Variants in SESN3 observed in about 807,000 individuals in gnomAD.
The protein encoded by SESN3 is sestrin 3, also known as sestrin-3.
In SESN3, 21 loss-of-function variants were observed where a neutral mutation model predicts 55.3. That is an observed-to-expected ratio of 0.38 (90% CI 0.27 to 0.55). The LOEUF is 0.55. Ranked by LOEUF, SESN3 falls within the 20% of genes least tolerant of loss-of-function variation. The pLI, the probability that SESN3 is intolerant of heterozygous loss-of-function variation, is 0.76. For missense variants in SESN3, 408 were observed against 604.3 expected, an observed-to-expected ratio of 0.68 and a Z score of 3.41; for synonymous variants, 181 against 203.1, an observed-to-expected ratio of 0.89 and a Z score of 0.93.
Position 95,216,285 on chromosome 11 carries a change from G to GT in SESN3, c.78+14497dup, listed in dbSNP as rs199982425. Among the ~76,000 whole-genome samples, 955 of 152,180 alleles carry GT rather than the reference G, an allele frequency of 6.3e-3. 4 individuals carry two copies. Among genetic ancestry groups the GT allele is most frequent in the Admixed American group, 7.5e-3 (114 of 15,290 alleles). The stretch of plus-strand genomic sequence containing the variant: ...GAACAAAAAGAAATGGCCTTTTATA[G>GT]TAACAATGGACTCCTCTTTGACAGT... On this transcript the variant is annotated intron_variant, in intron 1 of 9. Coordinates refer to ENST00000536441, the MANE Select transcript of SESN3 (RefSeq NM_144665.4).
chr11:95,188,405 A>T (rs941711108), intron 4 of SESN3, among the ~76,000 whole-genome samples: 2 of 151,772 alleles, frequency 1.3e-5, no homozygotes, highest in African/African-American at 4.8e-5. Flanking sequence ...ATTTTGGAAA[A>T]TTTTCCTGTG....
intron 1 of SESN3, among the ~76,000 whole-genome samples, chr11:95,223,180 C>CCA (rs771050821): frequency 1.4e-4 from 21 of 151,532 alleles, no homozygotes; most frequent in African/African-American, 9.7e-5. Context: ...CGCAAACCCA[C>CCA]CACACACACA....
chr11:95,181,409 T>C (rs936680713), intron 6 of SESN3, among the ~76,000 whole-genome samples: 2 of 152,088 alleles, frequency 1.3e-5, no homozygotes, highest in African/African-American at 4.8e-5. Context: ...CCACAAATAC[T>C]TTTTTCCTAA....
At chr11:95,201,880 A>G (rs1408703596) in intron 1 of SESN3, among the ~76,000 whole-genome samples, 2 of 152,094 alleles carry the variant, frequency 1.3e-5, no homozygotes, top group Admixed American at 1.3e-4. Context: ...GGTAATTGGT[A>G]GTTTTAAAAT....
chr11:95,177,179 T>C (rs1859973558), intron 8 of SESN3, among the ~76,000 whole-genome samples: 1 of 152,204 alleles, frequency 6.6e-6, no homozygotes, highest in African/African-American at 2.4e-5. Flanking sequence ...TCTCATGTAC[T>C]TACTGTCCTC....
At chr11:95,209,846 G>T (rs55914231) in intron 1 of SESN3, among the ~76,000 whole-genome samples, 4,354 of 150,066 alleles carry the variant, frequency 0.029, 189 homozygotes, top group Non-Finnish European at 0.045. Flanking sequence ...GCGAAACCCC[G>T]TCTCTACTAA....
intron 1 of SESN3, among the ~76,000 whole-genome samples, chr11:95,227,077 A>C (rs1421780826): frequency 6.6e-6 from 1 of 152,240 alleles, no homozygotes; most frequent in Non-Finnish European, 1.5e-5. Flanking sequence ...CTAGTGGTCC[A>C]CAGATAGAGC....
chr11:95,213,563 G>C (rs1860698382), intron 1 of SESN3, among the ~76,000 whole-genome samples: 1 of 152,146 alleles, frequency 6.6e-6, no homozygotes, highest in Non-Finnish European at 1.5e-5. Context: ...AGGGAGGCAG[G>C]CTGCCAGTGG....
Position 95,223,589 on chromosome 11 carries a change from A to T in SESN3, c.78+7194T>A, listed in dbSNP as rs139818804. On this transcript the variant is annotated intron_variant, in intron 1 of 9. Transcript: ENST00000536441. Reference sequence around the variant, plus strand: ...CTAGTTAGCCAGTTACTGTGGTAATAGAGAAGCTTCTAGGATGTCACTGAA... The same window carrying T: ...CTAGTTAGCCAGTTACTGTGGTAATTGAGAAGCTTCTAGGATGTCACTGAA... Among the ~76,000 whole-genome samples, 91 of 152,338 alleles carry T rather than the reference A, an allele frequency of 6.0e-4. 1 individual carries two copies. The highest frequency in any genetic ancestry group is 1.8e-3 in the African/African-American group (76 of 41,566).
At chr11:95,196,061 C>T (rs1860355885) in intron 1 of SESN3, among the ~76,000 whole-genome samples, 1 of 152,074 alleles carries the variant, frequency 6.6e-6, no homozygotes, top group Admixed American at 6.6e-5. Context: ...TGGTGATAGT[C>T]CAGGAGAGAT....
At chr11:95,195,481 C>G (rs1406723006) in intron 1 of SESN3, among the ~76,000 whole-genome samples, 2 of 152,076 alleles carry the variant, frequency 1.3e-5, no homozygotes, top group Non-Finnish European at 2.9e-5. Context: ...ATGTGCTAGG[C>G]AGTGAGGACA....
At position 95,171,967 on chromosome 11, in the gene SESN3, G is replaced by A. The variant is rs1859857478; in HGVS notation, c.*1288C>T. On this transcript the variant is annotated 3_prime_UTR_variant, in exon 10 of 10. Coordinates refer to ENST00000536441, the MANE Select transcript of SESN3 (RefSeq NM_144665.4). ...AACGTTTTTAAACCAGTTGTCCAAG[G>A]AGATTTTTCTGGGGAAGGGAATGCT... 6.6e-6 allele frequency: 1 copy of A among 152,084 alleles called. No homozygotes were observed. The highest frequency in any genetic ancestry group is 2.1e-4 in the South Asian group (1 of 4,830). The allele number at this position is 152,084 out of a possible 1,614,324, so 9.4% of individuals were successfully genotyped here.
In SESN3 at chr11:95,168,071, A is replaced by G. The variant is rs1421278409; in HGVS notation, c.*5184T>C. ...CCCAATTTTGTGTTATTTTATCTAT[A>G]TTTTAAATCATATGGGCTTCTGTGA... On this transcript the variant is annotated 3_prime_UTR_variant, in exon 10 of 10. Transcript: ENST00000536441. 1 of 152,164 alleles carries G rather than the reference A, an allele frequency of 6.6e-6. No individual in the cohort carries two copies. Among genetic ancestry groups the G allele is most frequent in the Admixed American group, 6.6e-5 (1 of 15,264 alleles). 9.4% of individuals were successfully genotyped at this position (152,164 alleles called of 1,614,324 possible). A position where few individuals can be genotyped will look rare whatever the true frequency, so the allele number is the denominator to read the frequency against.
chr11:95,183,050 C>T (rs1022654996), intron 6 of SESN3, among the ~76,000 whole-genome samples: 4 of 152,136 alleles, frequency 2.6e-5, no homozygotes, highest in Non-Finnish European at 5.9e-5. Context: ...TCCTATCTTT[C>T]ACATTCTGCT....
chr11:95,210,168 G>A (rs1417471418), intron 1 of SESN3, among the ~76,000 whole-genome samples: 1 of 151,910 alleles, frequency 6.6e-6, no homozygotes, highest in African/African-American at 2.4e-5. Context: ...GGTGAACAAT[G>A]AGAACACATG....
At chr11:95,218,323 T>A (rs1860797499) in intron 1 of SESN3, among the ~76,000 whole-genome samples, 2 of 152,300 alleles carry the variant, frequency 1.3e-5, no homozygotes, top group South Asian at 4.1e-4. Context: ...ACCTTGAAGA[T>A]CTCTAAGAGA....
chr11:95,208,785 T>C (rs1860596085), intron 1 of SESN3, among the ~76,000 whole-genome samples: 1 of 151,426 alleles, frequency 6.6e-6, no homozygotes, highest in Admixed American at 6.6e-5. Context: ...AACCATCTGA[T>C]CTTTGACAAA....
chr11:95,217,300 A>G (rs1343662160), intron 1 of SESN3, among the ~76,000 whole-genome samples: 4 of 152,154 alleles, frequency 2.6e-5, no homozygotes, highest in Non-Finnish European at 5.9e-5. Context: ...CTGCACAACT[A>G]TAACAAGAGT....
chr11:95,225,409 A>G (rs1199996591), intron 1 of SESN3, among the ~76,000 whole-genome samples: 5 of 152,214 alleles, frequency 3.3e-5, no homozygotes, highest in Non-Finnish European at 5.9e-5. Flanking sequence ...AATCTACAAT[A>G]GTATTTAAAG....
Sources: gnomAD v4.1 joint callset for allele counts (sites outside exome capture counted in the v4.1 genomes callset) on GRCh38, gnomAD v4.1.1 for gene constraint, MANE v1.5 for transcripts, NCBI Gene and HGNC (gene_info 2026-07-23, HGNC 2026-07-21) for gene names.